ZSWIM6: variants seen among roughly 807,000 people sequenced by gnomAD.
The protein encoded by ZSWIM6 is zinc finger SWIM domain-containing protein 6.
A neutral mutation model predicts 113.2 loss-of-function variants in ZSWIM6; 9 were observed. The ratio of observed to expected loss-of-function variants is 0.08; its 90% CI spans 0.05 to 0.14. ZSWIM6 has a LOEUF of 0.14. ZSWIM6 is among the 10% of genes least tolerant of loss of function. The probability of loss-of-function intolerance (pLI) is 1.00; values close to 1 mark genes in which losing one functional copy is unlikely to be tolerated. For missense variants in ZSWIM6, 1,162 were observed against 1,552.2 expected (o/e 0.75, Z 4.22); for synonymous variants, 611 against 606.5 (o/e 1.01, Z -0.11).
intron 1 of ZSWIM6, among the ~76,000 whole-genome samples, chr5:61,452,563 C>G (rs984360699): frequency 6.6e-6 from 1 of 152,116 alleles, no homozygotes; most frequent in African/African-American, 2.4e-5. Flanking sequence ...GTAACCATAT[C>G]AAGATTGTCT....
rs1186822246 is a variant in ZSWIM6, at chr5:61,473,046, A to G, written c.1033+9A>G. ...AATCAACCAAGTTCATGGTGAGTATAGACATTGACTCTTTAAATTTCCTCT... is the reference window on the plus strand; with the variant it reads ...AATCAACCAAGTTCATGGTGAGTATGGACATTGACTCTTTAAATTTCCTCT... On this transcript the variant is annotated intron_variant, in intron 2 of 13. Coordinates refer to ENST00000252744, the MANE Select transcript of ZSWIM6 (RefSeq NM_020928.2). 2 of 1,426,588 alleles carry G rather than the reference A, an allele frequency of 1.4e-6. No homozygotes were observed. Among genetic ancestry groups the G allele is most frequent in the Non-Finnish European group, 1.9e-6 (2 of 1,070,440 alleles). 88.4% of individuals were successfully genotyped at this position (1,426,588 alleles called of 1,614,324 possible).
chr5:61,426,585 A>G (rs1249023371), intron 1 of ZSWIM6, among the ~76,000 whole-genome samples: 1 of 152,128 alleles, frequency 6.6e-6, no homozygotes, highest in Non-Finnish European at 1.5e-5. Flanking sequence ...TTGTCAATTG[A>G]TTGAATAATA....
chr5:61,430,759 T>C (rs1746564287), intron 1 of ZSWIM6, among the ~76,000 whole-genome samples: 1 of 152,198 alleles, frequency 6.6e-6, no homozygotes, highest in Non-Finnish European at 1.5e-5. Flanking sequence ...AAATGAATGA[T>C]TTTTAAAAGG....
chr5:61,392,867 C>T (rs989239823), intron 1 of ZSWIM6, among the ~76,000 whole-genome samples: 1 of 152,050 alleles, frequency 6.6e-6, no homozygotes, highest in African/African-American at 2.4e-5. Context: ...CCACCTCGGC[C>T]TCCTAAAGCA....
At chr5:61,391,963 G>A (rs570885591) in intron 1 of ZSWIM6, 8 of 476,690 alleles carry the variant, frequency 1.7e-5, no homozygotes, top group South Asian at 2.8e-5. Context: ...GGGCTTGTAC[G>A]GGTCTACCTT....
At chr5:61,520,678 T>G (rs1399347115) in intron 4 of ZSWIM6, among the ~76,000 whole-genome samples, 1 of 152,170 alleles carries the variant, frequency 6.6e-6, no homozygotes, top group Non-Finnish European at 1.5e-5. Flanking sequence ...CGGATAAATA[T>G]GCATACTAAT....
chr5:61,342,533 C>G (rs1397861239), intron 1 of ZSWIM6, among the ~76,000 whole-genome samples: 1 of 152,144 alleles, frequency 6.6e-6, no homozygotes, highest in Admixed American at 6.5e-5. Context: ...CATGCAGCCT[C>G]TTTGGTTGGT....
chr5:61,483,580 T>A (rs1257453612), intron 2 of ZSWIM6, among the ~76,000 whole-genome samples: 3 of 151,940 alleles, frequency 2.0e-5, no homozygotes, highest in African/African-American at 7.3e-5. Flanking sequence ...TAAAAATATA[T>A]AATAGTGTCT....
Position 61,530,204 on chromosome 5 carries a change from A to T in ZSWIM6, c.1984+6A>T, listed in dbSNP as rs1309680181. ...TGGGTTCTCAGATTTTACAGGTAAA[A>T]CCATTGACATTTGTCTCATGTGCTT... On this transcript the variant is annotated splice_donor_region_variant and intron_variant, in intron 8 of 13. Coordinates refer to ENST00000252744, the MANE Select transcript of ZSWIM6 (RefSeq NM_020928.2). The T allele has an allele frequency of 1.3e-6, 2 of 1,546,104 alleles. No homozygotes were observed. The highest frequency in any genetic ancestry group is 4.9e-5 in the East Asian group (2 of 40,838).
chr5:61,457,831 C>A (rs892965121), intron 1 of ZSWIM6, among the ~76,000 whole-genome samples: 1 of 152,012 alleles, frequency 6.6e-6, no homozygotes, highest in Non-Finnish European at 1.5e-5. Context: ...CCCCATATAT[C>A]TTTTGACTAG....
At chr5:61,414,913 C>G (rs1048020319) in intron 1 of ZSWIM6, among the ~76,000 whole-genome samples, 1 of 152,196 alleles carries the variant, frequency 6.6e-6, no homozygotes, top group African/African-American at 2.4e-5. Context: ...ACCATCTAAT[C>G]CCTTTCTCTG....
At chr5:61,506,939 TCATAATGATAAACATAA>T (rs1748638376) in intron 4 of ZSWIM6, among the ~76,000 whole-genome samples, 1 of 152,200 alleles carries the variant, frequency 6.6e-6, no homozygotes, top group South Asian at 2.1e-4. Context: ...TGCCATTACT[TCATAATGATAAACATAA>T]TAAAAAGTAG....
intron 1 of ZSWIM6, among the ~76,000 whole-genome samples, chr5:61,399,684 A>G (rs1031598472): frequency 5.9e-5 from 9 of 152,204 alleles, no homozygotes; most frequent in African/African-American, 2.2e-4. Flanking sequence ...GAAATGAAAA[A>G]CAATCAAAAT....
chr5:61,434,966 C>T (rs1184314159), intron 1 of ZSWIM6, among the ~76,000 whole-genome samples: 1 of 152,008 alleles, frequency 6.6e-6, no homozygotes, highest in East Asian at 1.9e-4. Context: ...TACATTTAAC[C>T]TGTCTTTAAA....
chr5:61,453,457 C>G (rs759569015), intron 1 of ZSWIM6, among the ~76,000 whole-genome samples: 6 of 151,286 alleles, frequency 4.0e-5, no homozygotes, highest in Non-Finnish European at 7.4e-5. Context: ...CTCACTGCAG[C>G]CTGGACCTCC....
In ZSWIM6 at chr5:61,405,922, T is replaced by C. The variant is rs184762248; in HGVS notation, c.677-66759T>C. Among the ~76,000 whole-genome samples the C allele has an allele frequency of 1.3e-3, 205 of 152,336 alleles. 1 individual carries two copies. The highest frequency in any genetic ancestry group is 3.9e-3 in the Admixed American group (60 of 15,310). On this transcript the variant is annotated intron_variant, in intron 1 of 13. Transcript: ENST00000252744. ...ATGTATATGTATCACACAAAGAAAA[T>C]ACCTTTAAAGACTTTTTCTTTATGT... is the stretch of plus-strand genomic sequence containing the variant.
intron 4 of ZSWIM6, among the ~76,000 whole-genome samples, chr5:61,506,695 T>C (rs1007708835): frequency 6.6e-6 from 1 of 152,132 alleles, no homozygotes; most frequent in African/African-American, 2.4e-5. Context: ...ACCCAAGAAA[T>C]TTTGTGACTA....
Position 61,332,456 on chromosome 5 carries a change from G to C in ZSWIM6, c.184G>C (p.Ala62Pro). Residue 62 changes from alanine (A) to proline (P), a missense_variant, in exon 1 of 14, where the codon GCG becomes CCG. Physicochemically the swap from Ala to Pro is conservative, Grantham distance 27 (BLOSUM62 -1). This residue lies in a region of ZSWIM6 where 333 missense variants were observed against 293.4 expected (regional missense o/e 1.13). Transcript: ENST00000252744. The part of the protein sequence containing the change: ...AAAAACGGGA[A>P]LGLLPPGKTQ... Reference sequence around the variant, plus strand: ...GGCGGCGGCGTGCGGGGGCGGCGCGGCGCTGGGGTTGCTGCCGCCGGGCAA... The same window carrying C: ...GGCGGCGGCGTGCGGGGGCGGCGCGCCGCTGGGGTTGCTGCCGCCGGGCAA... The C allele has an allele frequency of 9.3e-7, 1 of 1,073,588 alleles. No individual in the cohort carries two copies. Among genetic ancestry groups the C allele is most frequent in the Non-Finnish European group, 1.1e-6 (1 of 879,928 alleles). The allele number at this position is 1,073,588 out of a possible 1,614,324, so 66.5% of individuals were successfully genotyped here.
rs1432334308 is a variant in ZSWIM6, at chr5:61,521,430, A to C, written c.1501A>C (p.Asn501His). ...NLTNALPQGANANQDSSNRPH... is the reference protein window; with the variant it reads ...NLTNALPQGAHANQDSSNRPH... ...AACCAATGCTCTGCCTCAGGGTGCA[A>C]ATGCCAACCAAGGTGAGTCTACCAT... The change falls in exon 5 of 14, where the codon AAT (asparagine) becomes CAT (histidine). Residue 501 changes from asparagine (N) to histidine (H), a missense_variant. Physicochemically the swap from Asn to His is moderately conservative, Grantham distance 68. This residue lies in a region of ZSWIM6 where 620 missense variants were observed against 804.6 expected (regional missense o/e 0.77). Coordinates refer to ENST00000252744, the MANE Select transcript of ZSWIM6 (RefSeq NM_020928.2). 1.4e-6 allele frequency: 2 copies of C among 1,471,472 alleles called. No homozygotes were observed. The highest frequency in any genetic ancestry group is 1.8e-6 in the Non-Finnish European group (2 of 1,105,466). 91.2% of individuals were successfully genotyped at this position (1,471,472 alleles called of 1,614,324 possible).
Sources: gnomAD v4.1 joint callset for allele counts (sites outside exome capture counted in the v4.1 genomes callset) on GRCh38, gnomAD v4.1.1 for gene constraint, gnomAD v4.1.1 regional missense constraint, MANE v1.5 for transcripts, NCBI Gene and HGNC (gene_info 2026-07-23, HGNC 2026-07-21) for gene names.